The following PPIG variants were observed in gnomAD, a reference collection of about 807,000 sequenced individuals.
PPIG encodes the protein peptidylprolyl isomerase G.
PPIG carries 26 observed loss-of-function variants against 87.9 expected under a neutral mutation model. The observed-to-expected ratio is 0.30, with a 90% confidence interval of 0.22 to 0.41. The LOEUF is 0.41. PPIG is among the 10% of genes least tolerant of loss of function. The pLI is 1.00. For missense variants in PPIG, 722 were observed against 879.4 expected (o/e 0.82, Z 2.26); for synonymous variants, 308 against 276.5 (o/e 1.11, Z -1.13).
intron 4 of PPIG, among the ~76,000 whole-genome samples, chr2:169,605,754 G>A (rs562310186): frequency 1.3e-5 from 2 of 152,180 alleles, no homozygotes; most frequent in East Asian, 1.9e-4. Context: ...AGCCAAGATC[G>A]TGCCACCGCA....
chr2:169,586,667 A>G (rs1684713584), intron 1 of PPIG, among the ~76,000 whole-genome samples: 1 of 152,210 alleles, frequency 6.6e-6, no homozygotes, highest in Non-Finnish European at 1.5e-5. Context: ...ACAAAGGGAA[A>G]GTGGAAGCCA....
At chr2:169,594,790 A>G (rs561635761) in intron 1 of PPIG, among the ~76,000 whole-genome samples, 73 of 149,192 alleles carry the variant, frequency 4.9e-4, no homozygotes, top group Non-Finnish European at 9.5e-4. Flanking sequence ...ACGCTCAGCT[A>G]ATTTTTTTGT....
At chr2:169,609,293 C>T (rs1685423771) in intron 7 of PPIG, among the ~76,000 whole-genome samples, 1 of 151,908 alleles carries the variant, frequency 6.6e-6, no homozygotes, top group Admixed American at 6.6e-5. Context: ...ACCACAGCCT[C>T]GACCTCCCTG....
In PPIG at chr2:169,614,508, A is replaced by C. The variant is rs369749948; in HGVS notation, c.407+15A>C. The C allele has an allele frequency of 1.3e-6, 2 of 1,558,722 alleles. No homozygotes were observed. Among genetic ancestry groups the C allele is most frequent in the Non-Finnish European group, 8.7e-7 (1 of 1,147,040 alleles). ...CATTTAGATGGGTAAATATTATTTTATTTATTTTACAACCTGTTTTAAATT... is the reference window on the plus strand; with the variant it reads ...CATTTAGATGGGTAAATATTATTTTCTTTATTTTACAACCTGTTTTAAATT... On this transcript the variant is annotated intron_variant, in intron 8 of 13. Transcript: ENST00000260970.
chr2:169,599,436 C>T (rs1685113362), intron 1 of PPIG, among the ~76,000 whole-genome samples: 1 of 151,800 alleles, frequency 6.6e-6, no homozygotes. Flanking sequence ...TTGTGTTAGA[C>T]ATTTAAGTTG....
At chr2:169,620,069 A>G (rs1574457161) in intron 9 of PPIG, among the ~76,000 whole-genome samples, 1 of 151,796 alleles carries the variant, frequency 6.6e-6, no homozygotes, top group East Asian at 1.9e-4. Context: ...GCTGTGCAGA[A>G]CCCTGTTAGT....
At chr2:169,625,880 C>T (rs1265882613) in intron 9 of PPIG, among the ~76,000 whole-genome samples, 1 of 152,156 alleles carries the variant, frequency 6.6e-6, no homozygotes, top group Non-Finnish European at 1.5e-5. Context: ...AGTGCTCAGC[C>T]TAGATCCCTC....
Position 169,614,450 on chromosome 2 carries a change from ATG to A in PPIG, c.378-13_378-12del, listed in dbSNP as rs773300505. ...GACTTTGTTTTTATTCTTCTATCTGATGATTTCCAAAAGAACAACGAAACCAA... is the reference window on the plus strand; with the variant it reads ...GACTTTGTTTTTATTCTTCTATCTGAATTTCCAAAAGAACAACGAAACCAA... On this transcript the variant is annotated splice_polypyrimidine_tract_variant and intron_variant, in intron 7 of 13. Coordinates refer to ENST00000260970, the MANE Select transcript of PPIG (RefSeq NM_004792.3). 1,732 of 1,543,242 alleles carry A rather than the reference ATG, an allele frequency of 1.1e-3. 1 individual carries two copies. Among genetic ancestry groups the A allele is most frequent in the Non-Finnish European group, 1.4e-3 (1,581 of 1,130,864 alleles).
chr2:169,604,560 G>A (rs1347500167), intron 4 of PPIG, among the ~76,000 whole-genome samples: 3 of 152,064 alleles, frequency 2.0e-5, no homozygotes, highest in East Asian at 1.9e-4. Flanking sequence ...TGACTAGGGC[G>A]TGAAAGTAAT....
intron 9 of PPIG, among the ~76,000 whole-genome samples, chr2:169,622,866 A>G (rs992929213): frequency 9.2e-5 from 14 of 152,354 alleles, no homozygotes; most frequent in African/African-American, 2.9e-4. Context: ...GGAACAGTCA[A>G]AAAGCATTGT....
At chr2:169,628,937 T>G (rs1685964505) in intron 9 of PPIG, among the ~76,000 whole-genome samples, 1 of 53,374 alleles carries the variant, frequency 1.9e-5, no homozygotes, top group African/African-American at 1.1e-4. Flanking sequence ...AGACCCTGTC[T>G]CCAAAAAAAA....
In PPIG at chr2:169,630,931, G is replaced by C. The variant is rs773061426; in HGVS notation, c.705G>C (p.Arg235=). 3 of 1,599,466 alleles carry C rather than the reference G, an allele frequency of 1.9e-6. No homozygotes were observed. The highest frequency in any genetic ancestry group is 4.5e-5 in the East Asian group (2 of 44,660). ...CAAAGAAAAGAAAAAAGAAACATCG[G>C]AAAAATTCCCGAAAACACAAGAAAG... ...EKSKKRKKKH[R]KNSRKHKKEK... is the part of the protein sequence containing the mutation. Residue 235 remains arginine, a synonymous_variant, in exon 10 of 14, where the codon CGG becomes CGC. Coordinates refer to ENST00000260970, the MANE Select transcript of PPIG (RefSeq NM_004792.3).
At position 169,585,270 on chromosome 2, in the gene PPIG, C is replaced by CTTTTTTTTTTTTTTTTTTTTT. The variant is rs1553542345; in HGVS notation, c.-70+789_-70+790insTTTTTTTTTTTTTTTTTTTTT. ...TATGCTAATTTGGTTCTTGGTTAGTCTTTTTTTTTGAGACGGAGTCTCGCT... is the reference window on the plus strand; with the variant it reads ...TATGCTAATTTGGTTCTTGGTTAGTCTTTTTTTTTTTTTTTTTTTTTTTTTTTTTTGAGACGGAGTCTCGCT... On this transcript the variant is annotated intron_variant, in intron 1 of 13. Transcript: ENST00000260970. 1.0e-4 allele frequency among the ~76,000 whole-genome samples: 12 copies of CTTTTTTTTTTTTTTTTTTTTT among 118,766 alleles called. 1 individual carries two copies. Among genetic ancestry groups the CTTTTTTTTTTTTTTTTTTTTT allele is most frequent in the Non-Finnish European group, 1.2e-4 (7 of 59,554 alleles). The allele number at this position is 118,766 out of a possible 152,430, so 77.9% of individuals were successfully genotyped here. A position where few individuals can be genotyped will look rare whatever the true frequency, so the allele number is the denominator to read the frequency against.
intron 9 of PPIG, among the ~76,000 whole-genome samples, chr2:169,624,167 A>G (rs1391104995): frequency 6.6e-6 from 1 of 152,104 alleles, no homozygotes; most frequent in East Asian, 1.9e-4. Flanking sequence ...AGGTCTCGCT[A>G]TGTTGCCCAG....
Position 169,607,120 on chromosome 2 carries a change from G to A in PPIG, c.261G>A (p.Gly87=). The part of the protein sequence containing the change: ...GDFSEGNGRG[G]ESIYGGFFED... Reference sequence around the variant, plus strand: ...CATTTTTAGGAAATGGACGAGGAGGGGAATCTATCTATGGAGGATTTTTTG... The same window carrying A: ...CATTTTTAGGAAATGGACGAGGAGGAGAATCTATCTATGGAGGATTTTTTG... The change falls in exon 6 of 14, where the codon GGG becomes GGA. Residue 87 remains glycine (G), a synonymous_variant. Coordinates refer to ENST00000260970, the MANE Select transcript of PPIG (RefSeq NM_004792.3). 6.4e-7 allele frequency: 1 copy of A among 1,567,696 alleles called. No individual in the cohort carries two copies. The highest frequency in any genetic ancestry group is 1.1e-5 in the South Asian group (1 of 87,908).
rs915432595 is a variant in PPIG at position 169,638,707 on chromosome 2, A to G, written c.*1184A>G. 6.6e-6 allele frequency: 1 copy of G among 152,044 alleles called. No homozygotes were observed. The highest frequency in any genetic ancestry group is 2.4e-5 in the African/African-American group (1 of 41,444). 9.4% of individuals were successfully genotyped at this position (152,044 alleles called of 1,614,324 possible). On this transcript the variant is annotated 3_prime_UTR_variant, in exon 14 of 14. Transcript: ENST00000260970. ...CATTGCCATATAGAGTAGAGTAGAA[A>G]GTTGCAAATTTTGATAGTTTACAGA...
Position 169,635,058 on chromosome 2 carries a change from A to T in PPIG, c.1018-1034A>T, listed in dbSNP as rs536564279. Among the ~76,000 whole-genome samples the T allele has an allele frequency of 5.8e-3, 476 of 81,888 alleles. 3 individuals carry two copies. Among genetic ancestry groups the T allele is most frequent in the African/African-American group, 0.02 (443 of 22,610 alleles). 53.7% of individuals were successfully genotyped at this position (81,888 alleles called of 152,430 possible). ...TGAATAACACTATTGTATGATAATGAAATAATGAAAATGGAACAGGCAAAT... is the reference window on the plus strand; with the variant it reads ...TGAATAACACTATTGTATGATAATGTAATAATGAAAATGGAACAGGCAAAT... On this transcript the variant is annotated intron_variant, in intron 12 of 13. Coordinates refer to ENST00000260970, the MANE Select transcript of PPIG (RefSeq NM_004792.3).
rs754708562 is a variant in PPIG, at chr2:169,637,566, G to A, written c.*43G>A. 6.1e-6 allele frequency: 9 copies of A among 1,467,358 alleles called. No homozygotes were observed. Among genetic ancestry groups the A allele is most frequent in the African/African-American group, 1.4e-5 (1 of 69,948 alleles). The allele number at this position is 1,467,358 out of a possible 1,614,324, so 90.9% of individuals were successfully genotyped here. On this transcript the variant is annotated 3_prime_UTR_variant, in exon 14 of 14. Transcript: ENST00000260970. ...ACTTCCATTCTGTTTCGGATTTTAA[G>A]TTTGAGAGACTTGCTAATGAATCTC...
At chr2:169,593,085 A>G (rs1238693911) in intron 1 of PPIG, among the ~76,000 whole-genome samples, 1 of 151,976 alleles carries the variant, frequency 6.6e-6, no homozygotes, top group African/African-American at 2.4e-5. Context: ...TCTTATAGCC[A>G]TTTCCACACA....
Sources: gnomAD v4.1 joint callset for allele counts (sites outside exome capture counted in the v4.1 genomes callset) on GRCh38, gnomAD v4.1.1 for gene constraint, MANE v1.5 for transcripts, NCBI Gene and HGNC (gene_info 2026-07-23, HGNC 2026-07-21) for gene names.